The following NF1 variants were observed in gnomAD, a reference collection of about 807,000 sequenced individuals.
NF1 encodes neurofibromin.
NF1 carries 122 observed loss-of-function variants against 325.7 expected under a neutral mutation model. That is an observed-to-expected ratio of 0.37 (90% CI 0.32 to 0.44). The LOEUF (loss-of-function observed/expected upper bound fraction) is 0.44. Among genes scored for constraint, NF1 ranks in the 20% least tolerant of loss-of-function variants. NF1 has a pLI of 1.00. For synonymous variants in NF1, 1,091 were observed against 1,186.0 expected (o/e 0.92, Z 1.65); for missense variants, 2,140 against 3,415.4 (o/e 0.63, Z 9.31).
chr17:31,189,198 C>T (rs186569214), intron 8 of NF1, among the ~76,000 whole-genome samples: 1 of 151,986 alleles, frequency 6.6e-6, no homozygotes, highest in East Asian at 1.9e-4. Context: ...AATTGTTTGT[C>T]TTTTGTTGAT....
In NF1 at chr17:31,349,176, C is replaced by T. The variant is rs786201310; in HGVS notation, c.7246C>T (p.Leu2416=). ...VARTVRILHT[L]LTLVNKHRNC... ...AAGAACAGTCAGAATTTTACATACACTACTAACTCTGGTTAACAAACACAG... is the reference window on the plus strand; with the variant it reads ...AAGAACAGTCAGAATTTTACATACATTACTAACTCTGGTTAACAAACACAG... Residue 2416 remains leucine, a synonymous_variant, in exon 49 of 58, where the codon CTA becomes TTA. Transcript: ENST00000358273. The T allele has an allele frequency of 2.5e-6, 4 of 1,612,764 alleles. No homozygotes were observed. Among genetic ancestry groups the T allele is most frequent in the East Asian group, 4.5e-5 (2 of 44,848 alleles).
Position 31,348,132 on chromosome 17 carries a change from T to G in NF1, c.7190-988T>G, listed in dbSNP as rs1302451401. 2.4e-5 allele frequency among the ~76,000 whole-genome samples: 2 copies of G among 83,766 alleles called. 1 individual carries two copies. The highest frequency in any genetic ancestry group is 5.1e-5 in the Non-Finnish European group (2 of 39,406). The allele number at this position is 83,766 out of a possible 152,430, so 55.0% of individuals were successfully genotyped here. A position where few individuals can be genotyped will look rare whatever the true frequency, so the allele number is the denominator to read the frequency against. On this transcript the variant is annotated intron_variant, in intron 48 of 57. Coordinates refer to ENST00000358273, the MANE Select transcript of NF1 (RefSeq NM_001042492.3). The stretch of plus-strand genomic sequence containing the variant: ...AACCAGGTATAGAGAAAAATAAGTC[T>G]GATATGAGGAAGGAAAATTGCACAA...
chr17:31,121,393 T>TTC (rs1158928388), intron 1 of NF1, among the ~76,000 whole-genome samples: 6 of 127,142 alleles, frequency 4.7e-5, no homozygotes, highest in African/African-American at 1.4e-4. Context: ...CAAATCACTA[T>TTC]TCTTTTTTTT....
At chr17:31,123,017 G>A (rs1254349792) in intron 1 of NF1, among the ~76,000 whole-genome samples, 1 of 152,172 alleles carries the variant, frequency 6.6e-6, no homozygotes, top group African/African-American at 2.4e-5. Flanking sequence ...CTTCTGGCTT[G>A]AATTAAGTTA....
intron 36 of NF1, among the ~76,000 whole-genome samples, chr17:31,283,139 C>G (rs904324468): frequency 6.6e-6 from 1 of 152,206 alleles, no homozygotes; most frequent in East Asian, 1.9e-4. Flanking sequence ...AAACTAAGTC[C>G]GGACGCAGTG....
chr17:31,225,032 T>C, intron 16 of NF1, 63 bp from the exon 17 acceptor site: 1 of 1,569,564 alleles, frequency 6.4e-7, no homozygotes. Flanking sequence ...ACAACTCAAA[T>C]AAGTGTTTAT....
chr17:31,227,505 T>TA lies in NF1; in HGVS notation c.2326-16dup. On this transcript the variant is annotated splice_polypyrimidine_tract_variant and intron_variant, in intron 19 of 57. Coordinates refer to ENST00000358273, the MANE Select transcript of NF1 (RefSeq NM_001042492.3). The stretch of plus-strand genomic sequence containing the variant: ...TCTAGACTAAGTTGCTTTCAAGTGA[T>TA]AATTGCCTTCATTTTAGGCTTGGGA... 1 of 1,613,320 alleles carries TA rather than the reference T, an allele frequency of 6.2e-7. No homozygotes were observed. Among genetic ancestry groups the TA allele is most frequent in the Non-Finnish European group, 8.5e-7 (1 of 1,179,406 alleles).
At chr17:31,296,685 G>T in intron 36 of NF1, 1 of 273,222 alleles carries the variant, frequency 3.7e-6, no homozygotes, top group Non-Finnish European at 7.1e-6. Context: ...AGTTGCAGTT[G>T]TAGGCTATTA....
intron 36 of NF1, among the ~76,000 whole-genome samples, chr17:31,283,648 A>G (rs1039704207): frequency 6.6e-6 from 1 of 151,716 alleles, no homozygotes. Flanking sequence ...TAGAAACACC[A>G]TGTCTAGCTG....
At chr17:31,296,369 T>C (rs1272142304) in intron 36 of NF1, 3 of 1,612,800 alleles carry the variant, frequency 1.9e-6, no homozygotes, top group Non-Finnish European at 2.5e-6. Context: ...CTTCTTTTAA[T>C]ATGCAAATAC....
intron 57 of NF1, chr17:31,367,308 A>G (rs911429997): frequency 2.4e-5 from 31 of 1,277,890 alleles, no homozygotes; most frequent in Non-Finnish European, 3.2e-5. Flanking sequence ...TCTTTGCACG[A>G]AAATACTGCT....
chr17:31,223,998 G>A (rs2066971199), intron 16 of NF1, among the ~76,000 whole-genome samples: 2 of 152,082 alleles, frequency 1.3e-5, no homozygotes, highest in Admixed American at 1.3e-4. Flanking sequence ...GATTTAATGG[G>A]TTTTTGTCCA....
intron 16 of NF1, among the ~76,000 whole-genome samples, 184 bp downstream of exon 16, chr17:31,223,751 G>T (rs2066966925): frequency 6.6e-6 from 1 of 152,072 alleles, no homozygotes; most frequent in South Asian, 2.1e-4. Flanking sequence ...AAATTATTCT[G>T]AGGCTTTGGC....
chr17:31,235,845 G>T (rs2151438292), intron 28 of NF1, 73 bp downstream of exon 28: 1 of 1,610,136 alleles, frequency 6.2e-7, no homozygotes, highest in African/African-American at 1.3e-5. Context: ...AGAATGTGCA[G>T]GGCTGATTGT....
chr17:31,164,312 G>A (rs977625586), intron 4 of NF1, among the ~76,000 whole-genome samples: 8 of 152,150 alleles, frequency 5.3e-5, no homozygotes, highest in African/African-American at 9.7e-5. Context: ...ATCATCCTGA[G>A]CATTAGTTGT....
chr17:31,311,116 C>T (rs977873675), intron 36 of NF1, among the ~76,000 whole-genome samples: 1 of 151,884 alleles, frequency 6.6e-6, no homozygotes, highest in Non-Finnish European at 1.5e-5. Context: ...CCACGCCCAA[C>T]TAATTTTTGT....
chr17:31,251,934 A>G (rs1032391067), intron 30 of NF1: 11 of 215,550 alleles, frequency 5.1e-5, no homozygotes, highest in Non-Finnish European at 7.5e-5. Flanking sequence ...AATTCCCAGA[A>G]TAAGATGCCA....
intron 8 of NF1, among the ~76,000 whole-genome samples, chr17:31,198,000 T>C (rs2066464806): frequency 6.6e-6 from 1 of 152,224 alleles, no homozygotes; most frequent in Non-Finnish European, 1.5e-5. Context: ...GAGTGTTTTT[T>C]TATCATAACA....
chr17:31,260,547 A>G, intron 34 of NF1, 32 bp downstream of exon 34: 1 of 1,611,806 alleles, frequency 6.2e-7, no homozygotes, highest in Non-Finnish European at 8.5e-7. Flanking sequence ...GATAGTGAAC[A>G]CTCTCCGTTT....
Sources: allele counts gnomAD v4.1 joint callset (sites outside exome capture counted in the v4.1 genomes callset), GRCh38; gene constraint gnomAD v4.1.1; transcripts MANE v1.5; gene names NCBI Gene and HGNC (gene_info 2026-07-23, HGNC 2026-07-21).